GRID2: variants seen among roughly 807,000 people sequenced by gnomAD.
GRID2 encodes glutamate receptor ionotropic, delta-2.
Under a neutral mutation model 114.8 loss-of-function variants are expected in GRID2, and 33 were observed. The observed-to-expected ratio is 0.29, with a 90% CI of 0.22 to 0.38. The LOEUF is 0.38. Ranked by LOEUF, GRID2 falls within the 10% of genes least tolerant of loss-of-function variation. The pLI is 1.00. For missense variants in GRID2, 1,184 were observed against 1,257.7 expected (o/e 0.94, Z 0.89); for synonymous variants, 505 against 449.9 (o/e 1.12, Z -1.55).
chr4:92,884,793 T>C (rs1746256055), intron 2 of GRID2: 3 of 328,036 alleles, frequency 9.1e-6, no homozygotes. Context: ...ATAATAATGC[T>C]ATTTAAAAAT....
At chr4:93,347,224 TA>T (rs937956264) in intron 8 of GRID2, among the ~76,000 whole-genome samples, 16 of 151,950 alleles carry the variant, frequency 1.1e-4, no homozygotes, top group Admixed American at 3.9e-4. Context: ...TTCAAGTTGT[TA>T]AAAAAAATTA....
intron 1 of GRID2, among the ~76,000 whole-genome samples, chr4:92,366,595 A>G (rs917488204): frequency 3.9e-5 from 6 of 151,990 alleles, no homozygotes; most frequent in Non-Finnish European, 7.4e-5. Flanking sequence ...ATGTTTTGGC[A>G]TTATTATTAT....
intron 1 of GRID2, among the ~76,000 whole-genome samples, chr4:92,491,041 A>C (rs1382520931): frequency 1.3e-5 from 2 of 152,174 alleles, no homozygotes; most frequent in Non-Finnish European, 2.9e-5. Context: ...GTTTACTTAT[A>C]ATTTCTCCCT....
intron 13 of GRID2, among the ~76,000 whole-genome samples, chr4:93,613,289 T>C (rs1307425841): frequency 7.3e-6 from 1 of 137,280 alleles, no homozygotes. Context: ...AATTTGATCG[T>C]CTGAAGCCTT....
intron 2 of GRID2, among the ~76,000 whole-genome samples, chr4:92,716,253 A>T (rs767021824): frequency 6.6e-6 from 1 of 152,184 alleles, no homozygotes; most frequent in African/African-American, 2.4e-5. Context: ...GCTTTCTTCT[A>T]TCTTGCCCTT....
At chr4:93,078,774 A>G (rs145009510) in intron 2 of GRID2, among the ~76,000 whole-genome samples, 614 of 55,668 alleles carry the variant, frequency 0.011, 10 homozygotes, top group African/African-American at 0.032. Context: ...TTATATTTAT[A>G]TACTGTATAT....
At chr4:92,404,751 G>T (rs998837021) in intron 1 of GRID2, among the ~76,000 whole-genome samples, 2 of 152,116 alleles carry the variant, frequency 1.3e-5, no homozygotes, top group African/African-American at 2.4e-5. Context: ...GGAGCTGGAA[G>T]CCATTATTTT....
intron 2 of GRID2, among the ~76,000 whole-genome samples, chr4:93,033,798 G>A (rs138571124): frequency 3.2e-4 from 49 of 152,182 alleles, no homozygotes; most frequent in African/African-American, 1.2e-3. Flanking sequence ...AGCTCTATGA[G>A]CAATGACCTC....
chr4:93,180,463 G>A (rs977731764), intron 4 of GRID2, among the ~76,000 whole-genome samples: 4 of 152,034 alleles, frequency 2.6e-5, no homozygotes, highest in Admixed American at 1.3e-4. Context: ...ATTGCTAAAG[G>A]TTGAGGTAAT....
At chr4:92,419,970 T>C (rs1285941174) in intron 1 of GRID2, among the ~76,000 whole-genome samples, 2 of 152,124 alleles carry the variant, frequency 1.3e-5, no homozygotes, top group African/African-American at 4.8e-5. Flanking sequence ...CAAAGTTTCT[T>C]AGTCATTATT....
intron 1 of GRID2, among the ~76,000 whole-genome samples, chr4:92,311,255 A>T (rs1725695689): frequency 6.6e-6 from 1 of 152,078 alleles, no homozygotes; most frequent in Non-Finnish European, 1.5e-5. Context: ...ATCACTACAA[A>T]CAAAAGTAGA....
intron 4 of GRID2, among the ~76,000 whole-genome samples, chr4:93,173,717 C>G (rs1284572073): frequency 6.6e-6 from 1 of 152,082 alleles, no homozygotes; most frequent in Non-Finnish European, 1.5e-5. Flanking sequence ...GCAACCTCCA[C>G]CCCCTGGTCT....
intron 1 of GRID2, among the ~76,000 whole-genome samples, chr4:92,586,655 C>G (rs1728465298): frequency 6.6e-6 from 1 of 151,760 alleles, no homozygotes; most frequent in Admixed American, 6.6e-5. Flanking sequence ...AAGCCATTAT[C>G]ATTGCTTTAA....
intron 4 of GRID2, among the ~76,000 whole-genome samples, chr4:93,170,726 T>G (rs773997799): frequency 2.0e-5 from 3 of 152,162 alleles, no homozygotes; most frequent in African/African-American, 4.8e-5. Context: ...CAGCATACAC[T>G]TCTCCTTTGA....
intron 2 of GRID2, among the ~76,000 whole-genome samples, chr4:92,700,869 G>C (rs1472755710): frequency 6.6e-6 from 1 of 152,076 alleles, no homozygotes; most frequent in Non-Finnish European, 1.5e-5. Flanking sequence ...GCAGGCGCCT[G>C]TAGTCCCAGC....
At chr4:93,680,309 C>A (rs1725384259) in intron 14 of GRID2, among the ~76,000 whole-genome samples, 1 of 151,876 alleles carries the variant, frequency 6.6e-6, no homozygotes. Context: ...CAAAAAGAGT[C>A]CAGGACCAGA....
chr4:92,373,338 A>G (rs1729204314), intron 1 of GRID2, among the ~76,000 whole-genome samples: 1 of 152,210 alleles, frequency 6.6e-6, no homozygotes, highest in African/African-American at 2.4e-5. Context: ...GATGTTGTCC[A>G]GATCCATCAT....
intron 2 of GRID2, among the ~76,000 whole-genome samples, chr4:92,671,396 A>G (rs1733064979): frequency 1.3e-5 from 2 of 152,054 alleles, no homozygotes. Flanking sequence ...TCTAGCCAAT[A>G]CCCACTCTAG....
chr4:93,551,741 A>C (rs1733770458), intron 13 of GRID2, among the ~76,000 whole-genome samples: 1 of 152,210 alleles, frequency 6.6e-6, no homozygotes, highest in Admixed American at 6.5e-5. Flanking sequence ...TTTGCCACTG[A>C]AAATAATGGC....
Sources: allele counts gnomAD v4.1 joint callset (sites outside exome capture counted in the v4.1 genomes callset), GRCh38; gene constraint gnomAD v4.1.1; transcripts MANE v1.5; gene names NCBI Gene and HGNC (gene_info 2026-07-23, HGNC 2026-07-21).